The following SH3KBP1 variants were observed in gnomAD, a reference collection of about 807,000 sequenced individuals.
The protein encoded by SH3KBP1 is SH3 domain containing kinase binding protein 1.
Under a neutral mutation model 50.1 loss-of-function variants are expected in SH3KBP1, and 8 were observed. The observed-to-expected ratio is 0.16, with a 90% confidence interval of 0.09 to 0.29. SH3KBP1 has a LOEUF of 0.29. Among genes scored for constraint, SH3KBP1 ranks in the 10% least tolerant of loss-of-function variants. SH3KBP1 has a pLI of 1.00. For missense variants in SH3KBP1, 377 were observed against 535.2 expected (o/e 0.70, Z 2.92); for synonymous variants, 227 against 218.6 (o/e 1.04, Z -0.34).
chrX:19,734,861 T>C (rs964115410), intron 3 of SH3KBP1, among the ~76,000 whole-genome samples: 2 of 112,574 alleles, frequency 1.8e-5, no homozygotes, highest in African/African-American at 6.5e-5. Flanking sequence ...TCATTCCTTC[T>C]TACGATACTC....
rs376141110 is a variant in SH3KBP1 at position 19,642,161 on chromosome X, CTG to C, written c.802+3237_802+3238del. Among the ~76,000 whole-genome samples, 310 of 111,953 alleles carry C rather than the reference CTG, an allele frequency of 2.8e-3. 2 individuals carry two copies. The highest frequency in any genetic ancestry group is 9.6e-3 in the African/African-American group (295 of 30,805). The stretch of plus-strand genomic sequence containing the variant: ...CATGGTGCTAACGGCTTTTAAAAAA[CTG>C]TGCAATCTACAGCCTGATAAATCAT... On this transcript the variant is annotated intron_variant, in intron 7 of 17. Transcript: ENST00000397821.
chrX:19,854,762 C>G (rs1413611746), intron 1 of SH3KBP1, among the ~76,000 whole-genome samples: 3 of 110,710 alleles, frequency 2.7e-5, no homozygotes, highest in African/African-American at 9.9e-5. Flanking sequence ...CATGGATGCT[C>G]CCATCCATGA....
chrX:19,773,835 G>A (rs993502360), intron 2 of SH3KBP1, among the ~76,000 whole-genome samples: 3 of 79,995 alleles, frequency 3.8e-5, no homozygotes, highest in Admixed American at 3.7e-4. Flanking sequence ...CAGCCTGGGC[G>A]ACAGAGCGAG....
At chrX:19,631,729 A>G in intron 8 of SH3KBP1, 135 bp downstream of exon 8, 2 of 382,185 alleles carry the variant, frequency 5.2e-6, no homozygotes, top group Non-Finnish European at 9.4e-6. Flanking sequence ...TCAAAAGGAA[A>G]GATACAAGAT....
rs755617824 is a variant in SH3KBP1 at position 19,781,118 on chromosome X, T to C, written c.163-34677A>G. ...AGATTTAAAATGTTCTCAGAAGAGA[T>C]ATAATACTTTTGGGGAAGTGCTCAT... On this transcript the variant is annotated intron_variant, in intron 2 of 17. Transcript: ENST00000397821. Among the ~76,000 whole-genome samples, 4 of 111,780 alleles carry C rather than the reference T, an allele frequency of 3.6e-5. No individual in the cohort carries two copies. The East Asian group carries it at 1.1e-3, about 31-fold the overall frequency.
At chrX:19,555,564 T>C (rs2065463155) in intron 13 of SH3KBP1, among the ~76,000 whole-genome samples, 2 of 112,370 alleles carry the variant, frequency 1.8e-5, no homozygotes, top group African/African-American at 6.5e-5. Flanking sequence ...CATGTTGCTG[T>C]GCACTTTAAA....
At chrX:19,594,874 T>C in intron 10 of SH3KBP1, 75 bp downstream of exon 10, 1 of 811,649 alleles carries the variant, frequency 1.2e-6, no homozygotes, top group Non-Finnish European at 1.9e-6. Context: ...TCCCGAACTC[T>C]ACACTGAGGA....
chrX:19,843,149 G>A, intron 1 of SH3KBP1, among the ~76,000 whole-genome samples: 1 of 104,463 alleles, frequency 9.6e-6, no homozygotes, highest in Non-Finnish European at 2.0e-5. Flanking sequence ...CTCCCGAGTA[G>A]CTGGGATTAC....
chrX:19,872,833 T>TCTCTCTCACACA (rs1211110008), intron 1 of SH3KBP1, among the ~76,000 whole-genome samples: 1 of 96,498 alleles, frequency 1.0e-5, no homozygotes, highest in African/African-American at 3.9e-5. Flanking sequence ...TCTCTCTCTC[T>TCTCTCTCACACA]CACACACACA....
At chrX:19,566,583 C>T (rs977777135) in intron 13 of SH3KBP1, among the ~76,000 whole-genome samples, 2 of 111,576 alleles carry the variant, frequency 1.8e-5, no homozygotes, top group African/African-American at 3.3e-5. Flanking sequence ...GGCCCAAATA[C>T]GAAACTGCGG....
chrX:19,823,465 G>C (rs769672748), intron 2 of SH3KBP1, among the ~76,000 whole-genome samples: 1 of 111,935 alleles, frequency 8.9e-6, no homozygotes, highest in African/African-American at 3.2e-5. Context: ...GCCAGCCAAG[G>C]TCTACTCTCT....
chrX:19,582,467 G>C (rs762408145), intron 12 of SH3KBP1, among the ~76,000 whole-genome samples: 2 of 111,984 alleles, frequency 1.8e-5, no homozygotes, highest in Admixed American at 9.5e-5. Flanking sequence ...GGTATCTTCA[G>C]TTCTATGACC....
At chrX:19,729,331 G>C (rs1050675758) in intron 3 of SH3KBP1, among the ~76,000 whole-genome samples, 2 of 112,529 alleles carry the variant, frequency 1.8e-5, no homozygotes, top group African/African-American at 6.5e-5. Context: ...GGCAGAATGA[G>C]TTCATACATC....
chrX:19,858,376 T>G (rs1392828893), intron 1 of SH3KBP1, among the ~76,000 whole-genome samples: 1 of 110,221 alleles, frequency 9.1e-6, no homozygotes, highest in Non-Finnish European at 1.9e-5. Context: ...ATACCAGCAC[T>G]TTGGGAGGAC....
intron 7 of SH3KBP1, among the ~76,000 whole-genome samples, chrX:19,635,525 T>C (rs1328930733): frequency 9.3e-6 from 1 of 107,210 alleles, no homozygotes; most frequent in African/African-American, 3.5e-5. Context: ...TCTGCACGTG[T>C]ATCCCGTTTT....
intron 2 of SH3KBP1, among the ~76,000 whole-genome samples, chrX:19,801,325 G>A (rs1431868266): frequency 1.8e-5 from 2 of 111,580 alleles, no homozygotes; most frequent in Non-Finnish European, 3.8e-5. Flanking sequence ...ATGTCACACT[G>A]AGCAGCTGAT....
intron 15 of SH3KBP1, among the ~76,000 whole-genome samples, 164 bp from the exon 16 acceptor site, chrX:19,542,357 A>G (rs1325575644): frequency 1.8e-5 from 2 of 111,974 alleles, no homozygotes; most frequent in Non-Finnish European, 3.8e-5. Context: ...TGCTTGGTAC[A>G]GGCATTTCCC....
intron 7 of SH3KBP1, among the ~76,000 whole-genome samples, chrX:19,636,993 C>T (rs926703865): frequency 8.9e-5 from 10 of 112,369 alleles, no homozygotes; most frequent in Admixed American, 8.4e-4. Context: ...TCTAGTTTCA[C>T]GCACATCATA....
intron 6 of SH3KBP1, among the ~76,000 whole-genome samples, chrX:19,660,552 A>G (rs2062420336): frequency 8.9e-6 from 1 of 111,806 alleles, no homozygotes; most frequent in Non-Finnish European, 1.9e-5. Context: ...CTAATGGAAC[A>G]AAGAGCTTTC....
Sources: gnomAD v4.1 joint callset for allele counts (sites outside exome capture counted in the v4.1 genomes callset) on GRCh38, gnomAD v4.1.1 for gene constraint, MANE v1.5 for transcripts, NCBI Gene and HGNC (gene_info 2026-07-23, HGNC 2026-07-21) for gene names.